Variants in SCML4 observed in about 807,000 individuals in gnomAD.
SCML4 encodes Scm polycomb group protein like 4.
Under a neutral mutation model 41.1 loss-of-function variants are expected in SCML4, and 34 were observed. That is an observed-to-expected ratio of 0.83 (90% CI 0.63 to 1.10). The LOEUF is 1.10. Among genes scored for constraint, SCML4 ranks in the 50% least tolerant of loss-of-function variants. SCML4 has a pLI of 0.00. For synonymous variants in SCML4, 214 were observed against 220.9 expected (o/e 0.97, Z 0.28); for missense variants, 522 against 534.1 (o/e 0.98, Z 0.22).
At chr6:107,767,640 T>G (rs74700858) in intron 2 of SCML4, among the ~76,000 whole-genome samples, 7 of 152,350 alleles carry the variant, frequency 4.6e-5, no homozygotes, top group Admixed American at 1.3e-4. Context: ...AAGCCTGTCC[T>G]TTAGGTACTC....
intron 2 of SCML4, among the ~76,000 whole-genome samples, chr6:107,755,326 T>C (rs1583497801): frequency 6.6e-6 from 1 of 152,308 alleles, no homozygotes; most frequent in Middle Eastern, 3.4e-3. Context: ...CAACTATGGG[T>C]AGTATATGGC....
rs527644356 is a variant in SCML4, at chr6:107,747,047, G to C, written c.287-158C>G. Among the ~76,000 whole-genome samples, 21 of 152,302 alleles carry C rather than the reference G, an allele frequency of 1.4e-4. No homozygotes were observed. In the South Asian group the frequency reaches 4.4e-3, roughly 32 times the overall value. ...GTGGGGTGGATTCTTCCCAACTTAA[G>C]AAGTAAAAGAGGCAAAAGAGTTAGA... On this transcript the variant is annotated intron_variant, in intron 3 of 7. Coordinates refer to ENST00000369020, the MANE Select transcript of SCML4 (RefSeq NM_198081.5).
the SCML4 span, among the ~76,000 whole-genome samples, chr6:107,829,535 A>C: frequency 6.6e-6 from 1 of 152,208 alleles, no homozygotes; most frequent in Non-Finnish European, 1.5e-5. Flanking sequence ...TGGGAGTTGA[A>C]CAATAAGAAC....
intron 5 of SCML4, among the ~76,000 whole-genome samples, chr6:107,729,325 G>A (rs927663493): frequency 6.6e-6 from 1 of 152,148 alleles, no homozygotes; most frequent in Non-Finnish European, 1.5e-5. Context: ...AATCTTTGGA[G>A]TTCCTTGGCT....
chr6:107,816,187 G>T (rs1382719827), intron 1 of SCML4, among the ~76,000 whole-genome samples: 1 of 152,184 alleles, frequency 6.6e-6, no homozygotes, highest in Non-Finnish European at 1.5e-5. Context: ...AGTAAAAGTA[G>T]CCCCTCCTGT....
chr6:107,768,802 C>T (rs757029929), intron 2 of SCML4, among the ~76,000 whole-genome samples: 15 of 152,212 alleles, frequency 9.9e-5, no homozygotes, highest in Admixed American at 1.3e-4. Context: ...CAAACAACTA[C>T]TTTTCAAAAC....
chr6:107,809,245 G>T (rs942046106), intron 1 of SCML4, among the ~76,000 whole-genome samples: 2 of 152,164 alleles, frequency 1.3e-5, no homozygotes, highest in Admixed American at 6.6e-5. Flanking sequence ...CTGGCACCTT[G>T]GTCTAGGACT....
At chr6:107,706,923 C>A (rs1583355423) in intron 7 of SCML4, among the ~76,000 whole-genome samples, 2 of 152,164 alleles carry the variant, frequency 1.3e-5, no homozygotes, top group Admixed American at 1.3e-4. Context: ...GGAAAGGCAG[C>A]CTTGCTGGCT....
intron 1 of SCML4, among the ~76,000 whole-genome samples, chr6:107,774,210 T>A (rs1479380909): frequency 6.6e-6 from 1 of 152,124 alleles, no homozygotes; most frequent in African/African-American, 2.4e-5. Flanking sequence ...AAATACTCGG[T>A]CTCATTGATT....
intron 5 of SCML4, chr6:107,743,988 T>C (rs1490717715): frequency 6.6e-6 from 1 of 151,676 alleles, no homozygotes; most frequent in Non-Finnish European, 1.5e-5. Context: ...TACTCTACTT[T>C]CCTAAGCTCA....
the SCML4 span, among the ~76,000 whole-genome samples, chr6:107,837,580 C>A: frequency 6.6e-6 from 1 of 152,276 alleles, no homozygotes; most frequent in East Asian, 1.9e-4. Flanking sequence ...ACAGGTCACC[C>A]AACAGCCTAA....
At position 107,703,803 on chromosome 6, in the gene SCML4, G is replaced by T. The variant is rs1408950499; in HGVS notation, c.*1397C>A. On this transcript the variant is annotated 3_prime_UTR_variant, in exon 8 of 8. Coordinates refer to ENST00000369020, the MANE Select transcript of SCML4 (RefSeq NM_198081.5). ...CCTCCCAGAAATTCCAAAATCTAAT[G>T]TTCATCTCCTCATCTCCAACACTGT... is the stretch of plus-strand genomic sequence containing the variant. Among the ~76,000 whole-genome samples the T allele has an allele frequency of 6.6e-6, 1 of 152,206 alleles. No homozygotes were observed. Among genetic ancestry groups the T allele is most frequent in the Non-Finnish European group, 1.5e-5 (1 of 68,042 alleles).
the SCML4 span, among the ~76,000 whole-genome samples, chr6:107,831,427 A>AC: frequency 2.0e-5 from 3 of 151,194 alleles, no homozygotes; most frequent in Non-Finnish European, 4.4e-5. Context: ...AAAAAAAAAA[A>AC]AAAAAACCCA....
At position 107,812,421 on chromosome 6, in the gene SCML4, C is replaced by T. The variant is rs1476871758; in HGVS notation, c.-60+11705G>A. Among the ~76,000 whole-genome samples, 5 of 152,136 alleles carry T rather than the reference C, an allele frequency of 3.3e-5. No individual in the cohort carries two copies. The East Asian group carries it at 7.7e-4, about 23-fold the overall frequency. ...CCACCTTTGTGATATTTGCCATGTCCGATACCTCCTCTGATGTTTAATTTT... is the reference window on the plus strand; with the variant it reads ...CCACCTTTGTGATATTTGCCATGTCTGATACCTCCTCTGATGTTTAATTTT... On this transcript the variant is annotated intron_variant, in intron 1 of 7. Coordinates refer to ENST00000369020, the MANE Select transcript of SCML4 (RefSeq NM_198081.5).
At chr6:107,809,327 T>C (rs1220294067) in intron 1 of SCML4, among the ~76,000 whole-genome samples, 1 of 152,220 alleles carries the variant, frequency 6.6e-6, no homozygotes, top group East Asian at 1.9e-4. Flanking sequence ...TATTTTGTCA[T>C]AGCAACACAA....
chr6:107,825,936 C>CAAAAAAAA (rs71015515), upstream of SCML4, among the ~76,000 whole-genome samples: 10 of 62,600 alleles, frequency 1.6e-4, no homozygotes, highest in African/African-American at 2.3e-4. Context: ...GACTCCATCT[C>CAAAAAAAA]AAAAAAAAAA....
At chr6:107,769,381 C>T (rs1402035753) in intron 2 of SCML4, among the ~76,000 whole-genome samples, 4 of 152,200 alleles carry the variant, frequency 2.6e-5, no homozygotes, top group African/African-American at 9.7e-5. Context: ...ATGTTATCCT[C>T]AGGAAGCAGT....
At chr6:107,751,642 C>CTTTCTT (rs1583488417) in intron 2 of SCML4, among the ~76,000 whole-genome samples, 9 of 111,908 alleles carry the variant, frequency 8.0e-5, no homozygotes, top group East Asian at 2.5e-4. Flanking sequence ...TTCTTTCTTT[C>CTTTCTT]TTTCTTTTTT....
intron 6 of SCML4, among the ~76,000 whole-genome samples, chr6:107,709,024 T>C (rs1475249220): frequency 2.0e-5 from 3 of 152,178 alleles, no homozygotes; most frequent in Non-Finnish European, 4.4e-5. Flanking sequence ...CTGATGCTGA[T>C]GCCCTTCCAC....
Sources: allele counts gnomAD v4.1 joint callset (sites outside exome capture counted in the v4.1 genomes callset), GRCh38; gene constraint gnomAD v4.1.1; transcripts MANE v1.5; gene names NCBI Gene and HGNC (gene_info 2026-07-23, HGNC 2026-07-21).